Variants in UBE2D3 observed in about 807,000 individuals in gnomAD.
The protein encoded by UBE2D3 is ubiquitin conjugating enzyme E2 D3.
UBE2D3 carries 2 observed loss-of-function variants against 22.8 expected under a neutral mutation model. That is an observed-to-expected ratio of 0.09 (90% CI 0.04 to 0.28). The LOEUF is 0.28. Ranked by LOEUF, UBE2D3 falls within the 10% of genes least tolerant of loss-of-function variation. UBE2D3 has a pLI of 1.00. For missense variants in UBE2D3, 27 were observed against 182.5 expected (o/e 0.15, Z 4.91); for synonymous variants, 56 against 60.4 (o/e 0.93, Z 0.34).
intron 1 of UBE2D3, among the ~76,000 whole-genome samples, chr4:102,860,853 G>A (rs1732864243): frequency 6.6e-6 from 1 of 151,858 alleles, no homozygotes; most frequent in Non-Finnish European, 1.5e-5. Context: ...AGTGCTGGGT[G>A]TGCTTGTCAG....
intron 4 of UBE2D3, among the ~76,000 whole-genome samples, chr4:102,804,495 ACACT>A (rs1289134500): frequency 2.6e-5 from 4 of 151,942 alleles, no homozygotes; most frequent in Non-Finnish European, 4.4e-5. Flanking sequence ...AACTAGAAAA[ACACT>A]CAGGTCACTT....
chr4:102,807,913 TAA>T (rs1351097312), intron 4 of UBE2D3, among the ~76,000 whole-genome samples: 2 of 152,226 alleles, frequency 1.3e-5, no homozygotes, highest in African/African-American at 4.8e-5. Context: ...CAACTAGTTT[TAA>T]AGAGTTAGTT....
At chr4:102,827,980 G>A, upstream of UBE2D3, 1 of 985,472 alleles carries the variant, frequency 1.0e-6, no homozygotes, top group Non-Finnish European at 1.2e-6. Flanking sequence ...AGAACTTCGT[G>A]GCTGGCTAAC....
upstream of UBE2D3, among the ~76,000 whole-genome samples, chr4:102,829,774 C>G (rs1043959491): frequency 9.2e-5 from 14 of 152,006 alleles, no homozygotes; most frequent in African/African-American, 2.9e-4. Context: ...CCCATCTCTA[C>G]TAAAAATACA....
intron 4 of UBE2D3, among the ~76,000 whole-genome samples, chr4:102,808,913 G>A (rs953893700): frequency 4.0e-5 from 6 of 151,312 alleles, no homozygotes; most frequent in African/African-American, 1.5e-4. Flanking sequence ...ATCTCACCTA[G>A]TACATTATTG....
upstream of UBE2D3, among the ~76,000 whole-genome samples, chr4:102,828,675 G>C (rs1247422555): frequency 2.0e-5 from 3 of 152,178 alleles, no homozygotes; most frequent in Non-Finnish European, 2.9e-5. Context: ...AGAAAGTGTT[G>C]AGACTAATTA....
intron 1 of UBE2D3, among the ~76,000 whole-genome samples, chr4:102,867,645 T>A (rs1480420435): frequency 1.3e-5 from 2 of 152,066 alleles, no homozygotes; most frequent in Non-Finnish European, 2.9e-5. Context: ...CAAAAATTTT[T>A]AAAATTCGTT....
chr4:102,824,561 C>G (rs1560871759), intron 2 of UBE2D3, among the ~76,000 whole-genome samples: 1 of 152,248 alleles, frequency 6.6e-6, no homozygotes, highest in Non-Finnish European at 1.5e-5. Flanking sequence ...AGCTAGAATT[C>G]TAACTGGAGC....
intron 4 of UBE2D3, among the ~76,000 whole-genome samples, chr4:102,805,576 T>C (rs1726901013): frequency 6.8e-6 from 1 of 148,000 alleles, no homozygotes; most frequent in Non-Finnish European, 1.5e-5. Context: ...AACCTCCACC[T>C]CCCAGGTTCA....
At chr4:102,826,829 T>A in intron 1 of UBE2D3, 193 bp from the exon 2 acceptor site, 5 of 1,196,852 alleles carry the variant, frequency 4.2e-6, no homozygotes, top group Non-Finnish European at 5.2e-6. Context: ...TGGCTACAAG[T>A]TTAACTTCCC....
intron 2 of UBE2D3, among the ~76,000 whole-genome samples, chr4:102,823,516 G>C (rs1264321005): frequency 6.6e-6 from 1 of 152,156 alleles, no homozygotes; most frequent in East Asian, 1.9e-4. Flanking sequence ...AAACTTAACA[G>C]GGTGTATACA....
chr4:102,809,481 G>A (rs777052230), intron 4 of UBE2D3, 191 bp downstream of exon 4: 1 of 632,498 alleles, frequency 1.6e-6, no homozygotes, highest in Non-Finnish European at 2.7e-6. Flanking sequence ...TGAACACAGG[G>A]ATAGACACAA....
chr4:102,834,646 G>T (rs1303926533), intron 1 of UBE2D3, among the ~76,000 whole-genome samples: 1 of 152,042 alleles, frequency 6.6e-6, no homozygotes, highest in African/African-American at 2.4e-5. Context: ...ATACTAGGGA[G>T]GCTGAGGTGG....
chr4:102,842,258 A>G (rs76952368), intron 1 of UBE2D3, among the ~76,000 whole-genome samples: 1 of 151,712 alleles, frequency 6.6e-6, no homozygotes, highest in African/African-American at 2.4e-5. Flanking sequence ...AAAAAAAAAA[A>G]GAGTCCTCTT....
intron 1 of UBE2D3, among the ~76,000 whole-genome samples, chr4:102,842,706 T>C (rs1424537027): frequency 6.6e-6 from 1 of 152,132 alleles, no homozygotes; most frequent in Non-Finnish European, 1.5e-5. Context: ...TTTTCCACTA[T>C]CACAACAAAG....
At chr4:102,821,048 G>C (rs1193195472) in intron 2 of UBE2D3, among the ~76,000 whole-genome samples, 3 of 152,154 alleles carry the variant, frequency 2.0e-5, no homozygotes, top group Non-Finnish European at 4.4e-5. Flanking sequence ...TAACAAGGTT[G>C]AGGATACAAT....
chr4:102,806,012 G>A (rs565381545), intron 4 of UBE2D3, among the ~76,000 whole-genome samples: 38 of 152,170 alleles, frequency 2.5e-4, no homozygotes, highest in South Asian at 4.1e-4. Flanking sequence ...TACCATCTTA[G>A]TTCATGATGT....
At chr4:102,815,841 C>T in intron 2 of UBE2D3, among the ~76,000 whole-genome samples, 1 of 152,154 alleles carries the variant, frequency 6.6e-6, no homozygotes, top group Non-Finnish European at 1.5e-5. Context: ...AGTATTTTAA[C>T]AATCAAAACA....
chr4:102,827,964 C>G (rs1238722505), upstream of UBE2D3: 5 of 985,416 alleles, frequency 5.1e-6, no homozygotes, highest in African/African-American at 7.0e-5. Context: ...GGAGACGACT[C>G]TCGCGAGAAC....
Sources: gnomAD v4.1 joint callset for allele counts (sites outside exome capture counted in the v4.1 genomes callset) on GRCh38, gnomAD v4.1.1 for gene constraint, MANE v1.5 for transcripts, NCBI Gene and HGNC (gene_info 2026-07-23, HGNC 2026-07-21) for gene names.